Variants in CPEB3 observed in about 807,000 individuals in gnomAD.
The protein encoded by CPEB3 is cytoplasmic polyadenylation element-binding protein 3.
Under a neutral mutation model 67.2 loss-of-function variants are expected in CPEB3, and 20 were observed. The ratio of observed to expected loss-of-function variants is 0.30; its 90% CI spans 0.21 to 0.43. CPEB3 has a LOEUF of 0.43. Ranked by LOEUF, CPEB3 falls within the 20% of genes least tolerant of loss-of-function variation. CPEB3 has a pLI of 1.00. For missense variants in CPEB3, 746 were observed against 968.6 expected, an observed-to-expected ratio of 0.77 and a Z score of 3.05; for synonymous variants, 376 against 393.1, an observed-to-expected ratio of 0.96 and a Z score of 0.51.
chr10:92,185,528 C>T (rs1425049045), intron 3 of CPEB3, among the ~76,000 whole-genome samples: 1 of 151,986 alleles, frequency 6.6e-6, no homozygotes, highest in Non-Finnish European at 1.5e-5. Context: ...TCCAACTAAA[C>T]TCATGCTTTT....
chr10:92,132,023 A>C (rs1005448207), intron 6 of CPEB3, among the ~76,000 whole-genome samples: 3 of 152,206 alleles, frequency 2.0e-5, no homozygotes, highest in Non-Finnish European at 2.9e-5. Flanking sequence ...ATATCTCCAT[A>C]AAGTTATTTT....
At chr10:92,285,406 G>C (rs548098192) in intron 1 of CPEB3, among the ~76,000 whole-genome samples, 2 of 152,180 alleles carry the variant, frequency 1.3e-5, no homozygotes, top group Non-Finnish European at 2.9e-5. Flanking sequence ...GAGTAGCTGG[G>C]ATTATAGGCA....
At chr10:92,275,840 C>CTTT (rs982965337) in intron 1 of CPEB3, among the ~76,000 whole-genome samples, 3 of 130,710 alleles carry the variant, frequency 2.3e-5, no homozygotes, top group Non-Finnish European at 5.0e-5. Context: ...GTACTTCATT[C>CTTT]TTTTCTTTTT....
chr10:92,111,573 C>A (rs938083956), intron 6 of CPEB3, among the ~76,000 whole-genome samples: 3 of 152,188 alleles, frequency 2.0e-5, no homozygotes, highest in African/African-American at 7.2e-5. Context: ...AGGGATAAAC[C>A]TTGAAAATAT....
chr10:92,132,492 T>C (rs978628777), intron 6 of CPEB3, among the ~76,000 whole-genome samples: 1 of 152,126 alleles, frequency 6.6e-6, no homozygotes, highest in Non-Finnish European at 1.5e-5. Context: ...TTAAGGCATG[T>C]CATAAATATT....
intron 9 of CPEB3, among the ~76,000 whole-genome samples, chr10:92,075,848 A>G (rs1243129873): frequency 6.6e-6 from 1 of 152,192 alleles, no homozygotes; most frequent in Non-Finnish European, 1.5e-5. Flanking sequence ...AAACATATAA[A>G]CTCTCAAAAG....
chr10:92,087,272 A>C (rs1007969165), intron 8 of CPEB3, among the ~76,000 whole-genome samples: 1 of 152,214 alleles, frequency 6.6e-6, no homozygotes, highest in African/African-American at 2.4e-5. Context: ...TCCTCACAAC[A>C]GTCAGGGCAG....
intron 1 of CPEB3, among the ~76,000 whole-genome samples, chr10:92,240,887 T>C (rs1851818941): frequency 6.6e-6 from 1 of 151,196 alleles, no homozygotes; most frequent in Admixed American, 6.6e-5. Context: ...AAACCAGTAT[T>C]AGCCCTCTTG....
At chr10:92,223,594 G>A (rs1213876063) in intron 2 of CPEB3, among the ~76,000 whole-genome samples, 2 of 6,388 alleles carry the variant, frequency 3.1e-4, no homozygotes, top group Admixed American at 2.8e-3. Flanking sequence ...TTTTTTTTTT[G>A]AGACAGAGTC....
chr10:92,058,572 C>T (rs1590047352), intron 9 of CPEB3, among the ~76,000 whole-genome samples: 1 of 119,566 alleles, frequency 8.4e-6, no homozygotes, highest in East Asian at 2.8e-4. Context: ...TACATACATA[C>T]ATACATACAT....
intron 4 of CPEB3, among the ~76,000 whole-genome samples, chr10:92,145,582 C>T (rs1291260650): frequency 6.6e-6 from 1 of 151,080 alleles, no homozygotes; most frequent in Non-Finnish European, 1.5e-5. Context: ...ATGCAGTGAG[C>T]CAAGATCGTG....
At chr10:92,209,241 T>G (rs1216217312) in intron 2 of CPEB3, among the ~76,000 whole-genome samples, 3 of 152,216 alleles carry the variant, frequency 2.0e-5, no homozygotes, top group Non-Finnish European at 2.9e-5. Context: ...TACTGCATAT[T>G]AGGCCAGGCA....
chr10:92,289,751 A>ATATATGTATTATATATTATAAATG lies in CPEB3; in HGVS notation c.-12+1174_-12+1175insCATTTATAATATATAATACATATA, dbSNP rs1564936710. On this transcript the variant is annotated intron_variant, in intron 1 of 9. Transcript: ENST00000265997. ...AAAAAAAATATATATATATATATAT[A>ATATATGTATTATATATTATAAATG]TATATATGTATTATATATTATAAAT... 1.9e-3 allele frequency among the ~76,000 whole-genome samples: 221 copies of ATATATGTATTATATATTATAAATG among 119,186 alleles called. 1 individual carries two copies. The highest frequency in any genetic ancestry group is 9.1e-3 in the African/African-American group (213 of 23,414). The allele number at this position is 119,186 out of a possible 152,430, so 78.2% of individuals were successfully genotyped here.
chr10:92,255,197 G>A (rs1404672705), intron 1 of CPEB3, among the ~76,000 whole-genome samples: 1 of 152,064 alleles, frequency 6.6e-6, no homozygotes, highest in Non-Finnish European at 1.5e-5. Flanking sequence ...CTGTGGTCTA[G>A]AACCCATTCC....
intron 9 of CPEB3, among the ~76,000 whole-genome samples, chr10:92,069,928 C>T (rs1787296713): frequency 6.6e-6 from 1 of 152,068 alleles, no homozygotes; most frequent in South Asian, 2.1e-4. Flanking sequence ...GAATATCAAC[C>T]ACAATGTCAA....
At chr10:92,224,902 T>C (rs1280492975) in intron 2 of CPEB3, among the ~76,000 whole-genome samples, 2 of 147,534 alleles carry the variant, frequency 1.4e-5, no homozygotes, top group African/African-American at 2.5e-5. Flanking sequence ...TAAAAATATA[T>C]ATATTTTATA....
At chr10:92,106,553 G>A (rs879864496) in intron 7 of CPEB3, among the ~76,000 whole-genome samples, 5 of 152,072 alleles carry the variant, frequency 3.3e-5, no homozygotes, top group Admixed American at 2.0e-4. Context: ...GGTGGCTCAC[G>A]CTTGTAATCC....
chr10:92,084,329 C>T (rs1426232336), intron 8 of CPEB3, among the ~76,000 whole-genome samples: 1 of 151,962 alleles, frequency 6.6e-6, no homozygotes, highest in African/African-American at 2.4e-5. Flanking sequence ...AAACAGAAAC[C>T]CTCATCTGCT....
chr10:92,190,663 CTCA>C (rs1211056908), intron 3 of CPEB3, among the ~76,000 whole-genome samples: 26 of 41,482 alleles, frequency 6.3e-4, no homozygotes, highest in African/African-American at 2.3e-3. Flanking sequence ...GAAACTCCAT[CTCA>C]AAAAAAAAAA....
Sources: allele counts gnomAD v4.1 joint callset (sites outside exome capture counted in the v4.1 genomes callset), GRCh38; gene constraint gnomAD v4.1.1; transcripts MANE v1.5; gene names NCBI Gene and HGNC (gene_info 2026-07-23, HGNC 2026-07-21).